The following HDAC1 variants were observed in gnomAD, a reference collection of about 807,000 sequenced individuals.
The protein encoded by HDAC1 is protein deacetylase HDAC1.
HDAC1 carries 18 observed loss-of-function variants against 65.5 expected under a neutral mutation model. The ratio of observed to expected loss-of-function variants is 0.27; its 90% CI spans 0.19 to 0.41. The LOEUF (loss-of-function observed/expected upper bound fraction) is 0.41, where lower values mean the gene tolerates loss of function less well. HDAC1 is among the 10% of genes least tolerant of loss of function. The probability of loss-of-function intolerance (pLI) is 1.00; values close to 1 mark genes in which losing one functional copy is unlikely to be tolerated. For synonymous variants in HDAC1, 211 were observed against 227.9 expected (o/e 0.93, Z 0.67); for missense variants, 373 against 625.2 (o/e 0.60, Z 4.30).
chr1:32,320,899 CAAAAAAAAAA>C (rs1160071616), intron 3 of HDAC1, among the ~76,000 whole-genome samples: 3 of 23,372 alleles, frequency 1.3e-4, no homozygotes, highest in African/African-American at 1.8e-4. Flanking sequence ...GACTCCATCT[CAAAAAAAAAA>C]AAAAAAAAAA....
chr1:32,315,086 G>T lies in HDAC1; in HGVS notation c.163-1579G>T, dbSNP rs116607331. On this transcript the variant is annotated intron_variant, in intron 2 of 13. Coordinates refer to ENST00000373548, the MANE Select transcript of HDAC1 (RefSeq NM_004964.3). ...GTATTGGTAATTAGAGAGGCAGAGG[G>T]TCATGTTTGAAGAAGACCTACCTTT... is the stretch of plus-strand genomic sequence containing the variant. 9.2e-3 allele frequency among the ~76,000 whole-genome samples: 1,406 copies of T among 152,210 alleles called. 16 individuals carry two copies. The highest frequency in any genetic ancestry group is 0.033 in the African/African-American group (1,368 of 41,530).
intron 2 of HDAC1, among the ~76,000 whole-genome samples, chr1:32,307,204 C>CATTG (rs1435269665): frequency 6.6e-6 from 1 of 152,100 alleles, no homozygotes; most frequent in Non-Finnish European, 1.5e-5. Flanking sequence ...GAGATCTCAC[C>CATTG]ATTGCACTCT....
rs570948069 is a variant in HDAC1 at position 32,322,890 on chromosome 1, C to T, written c.281-1589C>T. 3.9e-5 allele frequency among the ~76,000 whole-genome samples: 6 copies of T among 152,238 alleles called. No homozygotes were observed. In the South Asian group the frequency reaches 6.2e-4, roughly 16 times the overall value. ...ACTTCTCGGTATCTGTTTGTTCCTC[C>T]GCACAGTGGGGTTGATATCTGGCTT... is the stretch of plus-strand genomic sequence containing the variant. On this transcript the variant is annotated intron_variant, in intron 3 of 13. Coordinates refer to ENST00000373548, the MANE Select transcript of HDAC1 (RefSeq NM_004964.3).
At chr1:32,305,224 A>T (rs1471873699) in intron 2 of HDAC1, among the ~76,000 whole-genome samples, 1 of 152,206 alleles carries the variant, frequency 6.6e-6, no homozygotes, top group Non-Finnish European at 1.5e-5. Context: ...AAATAAATGT[A>T]TTCTAGTCTG....
At chr1:32,297,307 C>T (rs1291012110) in intron 1 of HDAC1, among the ~76,000 whole-genome samples, 1 of 152,050 alleles carries the variant, frequency 6.6e-6, no homozygotes, top group Non-Finnish European at 1.5e-5. Context: ...TTTGGGAGGC[C>T]AAGGCGGAAG....
At position 32,333,111 on chromosome 1, in the gene HDAC1, A is replaced by T; in HGVS notation, c.*67A>T. On this transcript the variant is annotated 3_prime_UTR_variant, in exon 14 of 14. Coordinates refer to ENST00000373548, the MANE Select transcript of HDAC1 (RefSeq NM_004964.3). ...TTTCTTCCCCAACCCCTCAGATTTT[A>T]TATTTTCTATTTCTCTGTGTATTTA... 8.1e-7 allele frequency: 1 copy of T among 1,231,480 alleles called. No homozygotes were observed. The allele number at this position is 1,231,480 out of a possible 1,614,324, so 76.3% of individuals were successfully genotyped here.
chr1:32,316,490 C>G (rs1641066164), intron 2 of HDAC1, among the ~76,000 whole-genome samples, 175 bp from the exon 3 acceptor site: 1 of 152,180 alleles, frequency 6.6e-6, no homozygotes, highest in South Asian at 2.1e-4. Context: ...CTTTGATAAT[C>G]TTGTTTGCCT....
At position 32,331,647 on chromosome 1, in the gene HDAC1, G is replaced by C; in HGVS notation, c.1089-29G>C. 6.2e-7 allele frequency: 1 copy of C among 1,613,514 alleles called. No homozygotes were observed. The stretch of plus-strand genomic sequence containing the variant: ...TGACTTTGGTTTGTCCCTGACCAGA[G>C]CCCTGCTACTCTCTCCCATTGGCCA... On this transcript the variant is annotated intron_variant, in intron 10 of 13. Transcript: ENST00000373548. This position sits in a 1 kb window ranked among gnomAD's most constrained non-coding sequence, Gnocchi z 4.2.
intron 6 of HDAC1, among the ~76,000 whole-genome samples, chr1:32,328,090 T>C (rs1308912141): frequency 1.3e-5 from 2 of 152,180 alleles, no homozygotes; most frequent in Non-Finnish European, 2.9e-5. Context: ...CATGAGATTT[T>C]ACATCTGATA....
At chr1:32,310,191 T>A (rs1640971613) in intron 2 of HDAC1, among the ~76,000 whole-genome samples, 2 of 152,168 alleles carry the variant, frequency 1.3e-5, no homozygotes, top group Non-Finnish European at 1.5e-5. Context: ...GTGTTTTGTT[T>A]ATGTTTGTTT....
At chr1:32,320,161 A>G (rs1641120383) in intron 3 of HDAC1, among the ~76,000 whole-genome samples, 1 of 151,610 alleles carries the variant, frequency 6.6e-6, no homozygotes, top group Non-Finnish European at 1.5e-5. Context: ...CGGAGCTTGC[A>G]GTGAGCCGAG....
intron 1 of HDAC1, chr1:32,292,567 C>G: frequency 2.3e-6 from 1 of 425,558 alleles, no homozygotes; most frequent in Non-Finnish European, 3.1e-6. Flanking sequence ...ATTTTCTTGC[C>G]GAGAACCCAA....
intron 3 of HDAC1, among the ~76,000 whole-genome samples, chr1:32,318,107 G>A (rs1309518271): frequency 6.6e-6 from 1 of 152,166 alleles, no homozygotes; most frequent in Admixed American, 6.5e-5. Flanking sequence ...TTACAGGGAT[G>A]TGCCACCACG....
At chr1:32,303,149 G>A (rs975230339) in intron 2 of HDAC1, among the ~76,000 whole-genome samples, 1 of 152,118 alleles carries the variant, frequency 6.6e-6, no homozygotes, top group Admixed American at 6.6e-5. Context: ...TTCCAGCTTG[G>A]GGGGCAGAGC....
chr1:32,330,383 A>C lies in HDAC1; in HGVS notation c.730-195A>C. The C allele has an allele frequency of 5.2e-6, 3 of 576,640 alleles. No individual in the cohort carries two copies. The South Asian group carries it at 5.9e-5, about 11-fold the overall frequency. 35.7% of individuals were successfully genotyped at this position (576,640 alleles called of 1,614,324 possible). A position where few individuals can be genotyped will look rare whatever the true frequency, so the allele number is the denominator to read the frequency against. On this transcript the variant is annotated intron_variant, in intron 7 of 13. Coordinates refer to ENST00000373548, the MANE Select transcript of HDAC1 (RefSeq NM_004964.3). The surrounding 1 kb of genome is among the most constrained non-coding windows in gnomAD (Gnocchi z 4.2). ...TAGAGTGTTAGAAGGGTCTTAGAGA[A>C]CTTTTTAAATTGGAAAATTGAAATC...
intron 2 of HDAC1, among the ~76,000 whole-genome samples, chr1:32,311,689 G>T (rs187293643): frequency 6.6e-6 from 1 of 152,248 alleles, no homozygotes; most frequent in East Asian, 1.9e-4. Flanking sequence ...AGTGGATGTT[G>T]GTATCATTAA....
intron 3 of HDAC1, among the ~76,000 whole-genome samples, chr1:32,318,570 A>G (rs1641096379): frequency 6.6e-6 from 1 of 151,830 alleles, no homozygotes; most frequent in African/African-American, 2.4e-5. Flanking sequence ...AAAAAAAGAC[A>G]TTAGTGCCTA....
intron 2 of HDAC1, among the ~76,000 whole-genome samples, chr1:32,314,299 C>A (rs1641028904): frequency 6.6e-6 from 1 of 151,996 alleles, no homozygotes; most frequent in African/African-American, 2.4e-5. Flanking sequence ...CTCAGGTGAT[C>A]CTCCCACCTT....
intron 2 of HDAC1, among the ~76,000 whole-genome samples, chr1:32,311,804 G>A (rs1382009609): frequency 1.3e-5 from 2 of 152,162 alleles, no homozygotes; most frequent in African/African-American, 4.8e-5. Context: ...TGCCTTTAGG[G>A]TTTGTGGGTG....
Sources: gnomAD v4.1 joint callset for allele counts (sites outside exome capture counted in the v4.1 genomes callset) on GRCh38, gnomAD v4.1.1 for gene constraint, Gnocchi (gnomAD v3.1) non-coding constraint, MANE v1.5 for transcripts, NCBI Gene and HGNC (gene_info 2026-07-23, HGNC 2026-07-21) for gene names.